COL11A1: variants seen among roughly 807,000 people sequenced by gnomAD.
COL11A1 encodes the protein collagen type XI alpha 1 chain.
COL11A1 carries 74 observed loss-of-function variants against 265.2 expected under a neutral mutation model. The ratio of observed to expected loss-of-function variants is 0.28; its 90% CI spans 0.23 to 0.34. COL11A1 has a LOEUF of 0.34. Among genes scored for constraint, COL11A1 ranks in the 10% least tolerant of loss-of-function variants. The pLI is 1.00. For synonymous variants in COL11A1, 816 were observed against 727.6 expected (o/e 1.12, Z -1.96); for missense variants, 2,165 against 2,263.6 (o/e 0.96, Z 0.88).
chr1:103,066,322 A>C (rs535296341), intron 4 of COL11A1, among the ~76,000 whole-genome samples: 38 of 152,130 alleles, frequency 2.5e-4, no homozygotes, highest in African/African-American at 7.5e-4. Flanking sequence ...TTCAATATAT[A>C]CAGGTCTAAT....
intron 59 of COL11A1, 94 bp from the exon 60 acceptor site, chr1:102,889,013 T>A: frequency 1.7e-6 from 2 of 1,179,380 alleles, no homozygotes; most frequent in Non-Finnish European, 2.5e-6. Flanking sequence ...CAGCATACAC[T>A]GTAAAATTTA....
intron 42 of COL11A1, among the ~76,000 whole-genome samples, chr1:102,946,338 C>G (rs1343791941): frequency 6.6e-6 from 1 of 151,550 alleles, no homozygotes; most frequent in Non-Finnish European, 1.5e-5. Context: ...AAACCCCCCC[C>G]CAAAAAATGT....
chr1:103,042,978 A>C (rs1393879216), intron 4 of COL11A1, among the ~76,000 whole-genome samples: 1 of 146,930 alleles, frequency 6.8e-6, no homozygotes, highest in African/African-American at 2.5e-5. Flanking sequence ...ATATATGTGA[A>C]ATATATATGA....
intron 1 of COL11A1, among the ~76,000 whole-genome samples, chr1:103,089,706 C>T (rs575484605): frequency 6.6e-6 from 1 of 152,252 alleles, no homozygotes; most frequent in East Asian, 1.9e-4. Flanking sequence ...CAAGCTGTCT[C>T]ATAGTTGAAG....
chr1:102,992,616 A>T (rs1451776953), intron 28 of COL11A1, among the ~76,000 whole-genome samples: 1 of 152,128 alleles, frequency 6.6e-6, no homozygotes, highest in African/African-American at 2.4e-5. Context: ...AATTCTTACC[A>T]TTAAAAATTC....
chr1:103,065,570 A>AAC (rs1312490189), intron 4 of COL11A1, among the ~76,000 whole-genome samples: 1 of 56,768 alleles, frequency 1.8e-5, no homozygotes, highest in African/African-American at 6.0e-5. Flanking sequence ...ACAAACAAAC[A>AAC]AACAAAAAAA....
At chr1:103,066,471 T>C (rs982281256) in intron 4 of COL11A1, among the ~76,000 whole-genome samples, 26 of 149,492 alleles carry the variant, frequency 1.7e-4, no homozygotes, top group African/African-American at 4.9e-5. Flanking sequence ...TTATAAAAAG[T>C]ATTTCTTAAA....
At chr1:103,059,681 A>T (rs978418619) in intron 4 of COL11A1, among the ~76,000 whole-genome samples, 3 of 152,186 alleles carry the variant, frequency 2.0e-5, no homozygotes, top group African/African-American at 7.2e-5. Flanking sequence ...ACTGTAACAA[A>T]GAATCAAAAA....
chr1:102,893,571 C>T (rs1271580925), intron 57 of COL11A1, among the ~76,000 whole-genome samples: 1 of 151,842 alleles, frequency 6.6e-6, no homozygotes, highest in African/African-American at 2.4e-5. Context: ...TTGAAAACCC[C>T]CAGGGAAATA....
chr1:103,102,850 G>T (rs1208355892), intron 1 of COL11A1, among the ~76,000 whole-genome samples: 2 of 151,902 alleles, frequency 1.3e-5, no homozygotes, highest in Non-Finnish European at 1.5e-5. Flanking sequence ...AAAACAGAAA[G>T]ACTCTTAATT....
intron 4 of COL11A1, among the ~76,000 whole-genome samples, chr1:103,058,821 C>T (rs79660279): frequency 0.035 from 5,267 of 152,162 alleles, 330 homozygotes; most frequent in African/African-American, 0.12. Context: ...ATGCTCATTT[C>T]ATGTCTCTGT....
intron 4 of COL11A1, among the ~76,000 whole-genome samples, chr1:103,046,026 C>T (rs1235521849): frequency 1.3e-5 from 2 of 151,392 alleles, no homozygotes; most frequent in Non-Finnish European, 2.9e-5. Flanking sequence ...CGTTGTTGGA[C>T]ATTTGGGTTG....
intron 10 of COL11A1, 82 bp from the exon 11 acceptor site, chr1:103,017,964 G>T: frequency 9.1e-7 from 1 of 1,097,100 alleles, no homozygotes; most frequent in Non-Finnish European, 1.4e-6. Flanking sequence ...CTATCGAAGA[G>T]TTCGTTTATA....
rs185072168 is a variant in COL11A1 at position 103,106,281 on chromosome 1, G to A, written c.106+1792C>T. Among the ~76,000 whole-genome samples, 219 of 152,264 alleles carry A rather than the reference G, an allele frequency of 1.4e-3. 1 individual carries two copies. The highest frequency in any genetic ancestry group is 0.01 in the Middle Eastern group (3 of 294). On this transcript the variant is annotated intron_variant, in intron 1 of 66. Coordinates refer to ENST00000370096, the MANE Select transcript of COL11A1 (RefSeq NM_001854.4). ...CATGCAAAAGTGTCTCTCGGAGCTT[G>A]TATTTCATCCATCACCGAAGAAATT...
chr1:102,970,886 C>T (rs982603629), intron 36 of COL11A1, among the ~76,000 whole-genome samples: 1 of 152,126 alleles, frequency 6.6e-6, no homozygotes, highest in African/African-American at 2.4e-5. Context: ...TGGTGGCACA[C>T]GCCTGTAGTC....
chr1:102,899,964 G>C (rs72683262), intron 54 of COL11A1, among the ~76,000 whole-genome samples: 8 of 152,144 alleles, frequency 5.3e-5, no homozygotes, highest in Non-Finnish European at 8.8e-5. Context: ...AACGTGCATT[G>C]CTTCAGTGAT....
intron 4 of COL11A1, among the ~76,000 whole-genome samples, chr1:103,068,832 T>TAAAA (rs371961383): frequency 4.7e-5 from 7 of 148,546 alleles, no homozygotes; most frequent in African/African-American, 1.7e-4. Flanking sequence ...ACTCTAGCAC[T>TAAAA]AAAAAAAAAT....
chr1:103,042,229 T>C (rs922430266), intron 4 of COL11A1, among the ~76,000 whole-genome samples: 3 of 152,180 alleles, frequency 2.0e-5, no homozygotes, highest in African/African-American at 7.2e-5. Flanking sequence ...CTCAAATACT[T>C]ATAGACTGGT....
At chr1:102,929,541 G>A (rs1251168918) in intron 46 of COL11A1, among the ~76,000 whole-genome samples, 1 of 151,996 alleles carries the variant, frequency 6.6e-6, no homozygotes, top group South Asian at 2.1e-4. Flanking sequence ...CTCCAGCTTT[G>A]TTTTTTTGGC....
Sources: allele counts gnomAD v4.1 joint callset (sites outside exome capture counted in the v4.1 genomes callset), GRCh38; gene constraint gnomAD v4.1.1; transcripts MANE v1.5; gene names NCBI Gene and HGNC (gene_info 2026-07-23, HGNC 2026-07-21).